Variants in FOXN3 observed in about 807,000 individuals in gnomAD.
The protein encoded by FOXN3 is forkhead box protein N3.
FOXN3 carries 7 observed loss-of-function variants against 38.4 expected under a neutral mutation model. The observed-to-expected ratio is 0.18, with a 90% CI of 0.10 to 0.34. The LOEUF (loss-of-function observed/expected upper bound fraction) is 0.34, where lower values mean the gene tolerates loss of function less well. Among genes scored for constraint, FOXN3 ranks in the 10% least tolerant of loss-of-function variants. The probability of loss-of-function intolerance (pLI) is 1.00; values close to 1 mark genes in which losing one functional copy is unlikely to be tolerated. For missense variants in FOXN3, 456 were observed against 613.4 expected, an observed-to-expected ratio of 0.74 and a Z score of 2.71; for synonymous variants, 230 against 242.2, an observed-to-expected ratio of 0.95 and a Z score of 0.47.
chr14:89,473,303 C>T lies in FOXN3; in HGVS notation c.-14-60813G>A, dbSNP rs142903411. Among the ~76,000 whole-genome samples the T allele has an allele frequency of 3.6e-3, 540 of 151,948 alleles. 2 individuals are homozygous for T. Among genetic ancestry groups the T allele is most frequent in the African/African-American group, 0.012 (514 of 41,436 alleles). ...CCTCCCAAAGTGCTGGAATTACAGG[C>T]GTGAGCCACCGTGCCCGGCCAGAAG... On this transcript the variant is annotated intron_variant, in intron 1 of 6. Transcript: ENST00000345097.
At chr14:89,386,555 G>A (rs1890794923) in intron 2 of FOXN3, among the ~76,000 whole-genome samples, 1 of 152,240 alleles carries the variant, frequency 6.6e-6, no homozygotes, top group Non-Finnish European at 1.5e-5. Context: ...GACAGGTCAG[G>A]TTAAGTAAGA....
At chr14:89,202,087 C>T (rs914116444) in intron 4 of FOXN3, among the ~76,000 whole-genome samples, 1 of 152,216 alleles carries the variant, frequency 6.6e-6, no homozygotes, top group African/African-American at 2.4e-5. Context: ...CAGAACCCTG[C>T]CATCAGTGCT....
At chr14:89,573,348 A>T (rs1025931329) in intron 1 of FOXN3, among the ~76,000 whole-genome samples, 1 of 152,202 alleles carries the variant, frequency 6.6e-6, no homozygotes, top group Non-Finnish European at 1.5e-5. Context: ...GTCACTCAAA[A>T]ATCATATATC....
intron 1 of FOXN3, among the ~76,000 whole-genome samples, chr14:89,487,359 T>C (rs957127304): frequency 6.6e-6 from 1 of 152,228 alleles, no homozygotes; most frequent in Non-Finnish European, 1.5e-5. Flanking sequence ...CTGAGAATGT[T>C]AGGAGTATAT....
At chr14:89,208,521 A>G (rs997394219) in intron 4 of FOXN3, among the ~76,000 whole-genome samples, 1 of 152,176 alleles carries the variant, frequency 6.6e-6, no homozygotes, top group African/African-American at 2.4e-5. Flanking sequence ...TCATTTTTCC[A>G]CTTTAGTATT....
chr14:89,363,977 TA>T (rs1890036038), intron 2 of FOXN3, among the ~76,000 whole-genome samples: 2 of 89,636 alleles, frequency 2.2e-5, no homozygotes, highest in Admixed American at 1.0e-4. Flanking sequence ...TATATATATA[TA>T]TATATATATA....
chr14:89,199,769 T>A (rs190570825), intron 4 of FOXN3, among the ~76,000 whole-genome samples: 246 of 151,868 alleles, frequency 1.6e-3, no homozygotes, highest in African/African-American at 5.7e-3. Context: ...CCAGGTGTGG[T>A]GGTGGGTGCC....
chr14:89,291,724 G>A (rs1886878696), intron 3 of FOXN3: 2 of 371,732 alleles, frequency 5.4e-6, no homozygotes, highest in African/African-American at 2.1e-5. Flanking sequence ...CCCAAAGCCT[G>A]CCATTCAGTT....
intron 4 of FOXN3, among the ~76,000 whole-genome samples, chr14:89,232,100 G>C (rs1676256945): frequency 6.6e-6 from 1 of 152,198 alleles, no homozygotes; most frequent in Non-Finnish European, 1.5e-5. Flanking sequence ...CACAGGAGCT[G>C]CCTCATGGCG....
intron 2 of FOXN3, among the ~76,000 whole-genome samples, chr14:89,404,428 T>C (rs12883669): frequency 0.39 from 55,397 of 142,988 alleles, 12,734 homozygotes; most frequent in Admixed American, 0.55. Flanking sequence ...CGCTTGAACC[T>C]GGGAAGGCGG....
At chr14:89,457,358 G>C (rs954912157) in intron 1 of FOXN3, among the ~76,000 whole-genome samples, 6 of 152,134 alleles carry the variant, frequency 3.9e-5, no homozygotes, top group Admixed American at 6.6e-5. Flanking sequence ...GATTCTGATT[G>C]GGCTCCTGAT....
At chr14:89,196,908 C>G (rs10150725) in intron 4 of FOXN3, among the ~76,000 whole-genome samples, 36,650 of 152,122 alleles carry the variant, frequency 0.24, 4,479 homozygotes, top group East Asian at 0.28. Flanking sequence ...GCGATATATA[C>G]CTGCTGCAAA....
At chr14:89,541,136 A>G (rs1004970767) in intron 1 of FOXN3, among the ~76,000 whole-genome samples, 105 of 152,198 alleles carry the variant, frequency 6.9e-4, no homozygotes, top group Non-Finnish European at 6.0e-4. Flanking sequence ...TTTGTTGGAT[A>G]TATGAATGGA....
At chr14:89,179,132 A>G (rs930356570) in intron 5 of FOXN3, among the ~76,000 whole-genome samples, 1 of 152,230 alleles carries the variant, frequency 6.6e-6, no homozygotes, top group Non-Finnish European at 1.5e-5. Context: ...AGTAGCCAGG[A>G]AAGATACCGG....
At chr14:89,332,528 C>T (rs1287045830) in intron 3 of FOXN3, among the ~76,000 whole-genome samples, 4 of 152,078 alleles carry the variant, frequency 2.6e-5, no homozygotes, top group East Asian at 1.9e-4. Flanking sequence ...TTTGTTAAAA[C>T]GAAATTTTCC....
intron 3 of FOXN3, among the ~76,000 whole-genome samples, chr14:89,327,772 A>T (rs903746221): frequency 6.6e-6 from 1 of 152,194 alleles, no homozygotes; most frequent in Non-Finnish European, 1.5e-5. Flanking sequence ...AATCCTCCTC[A>T]CAAAGGCTGG....
At chr14:89,376,887 G>A (rs558086249) in intron 2 of FOXN3, among the ~76,000 whole-genome samples, 1 of 151,388 alleles carries the variant, frequency 6.6e-6, no homozygotes, top group African/African-American at 2.4e-5. Context: ...GGTGGCAGGC[G>A]CCTGTAATCC....
At chr14:89,485,714 G>A (rs1432298424) in intron 1 of FOXN3, among the ~76,000 whole-genome samples, 1 of 152,054 alleles carries the variant, frequency 6.6e-6, no homozygotes, top group Non-Finnish European at 1.5e-5. Flanking sequence ...TTTCCCCAAT[G>A]GGCTCCACTC....
At chr14:89,328,424 T>G (rs903581406) in intron 3 of FOXN3, among the ~76,000 whole-genome samples, 1 of 151,946 alleles carries the variant, frequency 6.6e-6, no homozygotes, top group African/African-American at 2.4e-5. Context: ...ACAGCAGCCC[T>G]GGGTGAATGG....
Sources: allele counts gnomAD v4.1 joint callset (sites outside exome capture counted in the v4.1 genomes callset), GRCh38; gene constraint gnomAD v4.1.1; transcripts MANE v1.5; gene names NCBI Gene and HGNC (gene_info 2026-07-23, HGNC 2026-07-21).